KIR3DL3: variants seen among roughly 807,000 people sequenced by gnomAD.
KIR3DL3 encodes killer cell immunoglobulin like receptor, three Ig domains and long cytoplasmic tail 3.
A neutral mutation model predicts 34.9 loss-of-function variants in KIR3DL3; 27 were observed. That is an observed-to-expected ratio of 0.77 (90% CI 0.57 to 1.07). KIR3DL3 has a LOEUF of 1.07. Ranked by LOEUF, KIR3DL3 falls within the 50% of genes least tolerant of loss-of-function variation. The pLI is 0.00. For missense variants in KIR3DL3, 681 were observed against 528.5 expected (o/e 1.29, Z -2.83); for synonymous variants, 217 against 200.2 (o/e 1.08, Z -0.71).
At chr19:54,726,828 CA>C (rs2146764715) in intron 3 of KIR3DL3, among the ~76,000 whole-genome samples, 1 of 128,378 alleles carries the variant, frequency 7.8e-6, no homozygotes, top group South Asian at 2.8e-4. Flanking sequence ...CCTGAGTCTC[CA>C]GAGGAAACAC....
intron 5 of KIR3DL3, among the ~76,000 whole-genome samples, chr19:54,730,212 G>A (rs2068654636): frequency 6.6e-6 from 1 of 151,428 alleles, no homozygotes; most frequent in African/African-American, 2.4e-5. Context: ...ATATACCTAT[G>A]TAATTTACCA....
intron 3 of KIR3DL3, among the ~76,000 whole-genome samples, chr19:54,727,075 G>A (rs1311350913): frequency 1.6e-5 from 2 of 122,748 alleles, no homozygotes; most frequent in Non-Finnish European, 3.5e-5. Flanking sequence ...CACCAGGCTC[G>A]ATCCACATAG....
Position 54,729,507 on chromosome 19 carries a change from C to G in KIR3DL3, c.670C>G (p.Pro224Ala). Residue 224 changes from proline (P) to alanine (A), a missense_variant, in exon 5 of 8, where the codon CCT becomes GCT. Physicochemically the swap from Pro to Ala is conservative, Grantham distance 27. Coordinates refer to ENST00000291860, the MANE Select transcript of KIR3DL3 (RefSeq NM_153443.5). ...TCTTCTTCCAGGTCTATATGGGAAA[C>G]CTTCTCTCTCAGCCCAGCCGGGCCC... ...DIVVVGLYGKPSLSAQPGPTV... is the reference protein window; with the variant it reads ...DIVVVGLYGKASLSAQPGPTV... The G allele has an allele frequency of 1.9e-6, 3 of 1,604,776 alleles. No individual in the cohort carries two copies. The highest frequency in any genetic ancestry group is 2.5e-6 in the Non-Finnish European group (3 of 1,177,768).
At chr19:54,730,462 T>C (rs1459722791) in intron 5 of KIR3DL3, among the ~76,000 whole-genome samples, 1 of 150,580 alleles carries the variant, frequency 6.6e-6, no homozygotes, top group African/African-American at 2.4e-5. Flanking sequence ...TAGTCCCAGC[T>C]ACTTGGTAGG....
chr19:54,730,363 G>A (rs2068669046), intron 5 of KIR3DL3, among the ~76,000 whole-genome samples: 1 of 149,500 alleles, frequency 6.7e-6, no homozygotes, highest in Non-Finnish European at 1.5e-5. Flanking sequence ...AGACCACCCT[G>A]GCCAACATGG....
intron 2 of KIR3DL3, 31 bp downstream of exon 2, chr19:54,725,313 A>G (rs2068052389): frequency 1.3e-6 from 2 of 1,529,738 alleles, no homozygotes; most frequent in Non-Finnish European, 8.8e-7. Context: ...TTAGGTTGTC[A>G]TCTCCCCACA....
chr19:54,734,031 T>A (rs2069138124), intron 5 of KIR3DL3, among the ~76,000 whole-genome samples: 1 of 152,194 alleles, frequency 6.6e-6, no homozygotes, highest in South Asian at 2.1e-4. Flanking sequence ...AATATATGTC[T>A]CAGCAGATCA....
chr19:54,727,281 A>C (rs2068287075), intron 3 of KIR3DL3, among the ~76,000 whole-genome samples: 1 of 124,310 alleles, frequency 8.0e-6, no homozygotes, highest in African/African-American at 2.9e-5. Context: ...CAGGCTGCTA[A>C]GAGCCTGGAC....
Position 54,727,732 on chromosome 19 carries a change from G to T in KIR3DL3, c.477G>T (p.Gly159=). ...AGCGCTTCCTTCTGCACAGAGAGGG[G>T]ATCACTGAGGACCCCTTGCGCCTCG... ...RFERFLLHRE[G]ITEDPLRLVG... Residue 159 remains glycine, a synonymous_variant, in exon 4 of 8, where the codon GGG becomes GGT. Coordinates refer to ENST00000291860, the MANE Select transcript of KIR3DL3 (RefSeq NM_153443.5). 6.2e-7 allele frequency: 1 copy of T among 1,613,062 alleles called. No homozygotes were observed. Among genetic ancestry groups the T allele is most frequent in the Non-Finnish European group, 8.5e-7 (1 of 1,179,816 alleles).
chr19:54,733,582 T>C (rs1336633878), intron 5 of KIR3DL3, among the ~76,000 whole-genome samples: 1 of 152,246 alleles, frequency 6.6e-6, no homozygotes, highest in African/African-American at 2.4e-5. Flanking sequence ...GGCAACTGGA[T>C]ACCAACCATC....
chr19:54,726,478 G>A, intron 3 of KIR3DL3, 141 bp downstream of exon 3: 1 of 1,117,196 alleles, frequency 9.0e-7, no homozygotes, highest in South Asian at 1.6e-5. Flanking sequence ...AGAAATAGTT[G>A]CTGTGGTGGG....
Position 54,736,087 on chromosome 19 carries a change from C to T in KIR3DL3, c.1224C>T (p.Thr408=). 2 of 1,613,262 alleles carry T rather than the reference C, an allele frequency of 1.2e-6. No individual in the cohort carries two copies. The highest frequency in any genetic ancestry group is 1.7e-5 in the Admixed American group (1 of 59,844). ...SQRPKTPPTD[T]SV Reference sequence around the variant, plus strand: ...GGCCCAAGACACCCCCAACAGATACCAGCGTGTAACACGGAACTTCCAAAT... The same window carrying T: ...GGCCCAAGACACCCCCAACAGATACTAGCGTGTAACACGGAACTTCCAAAT... Residue 408 remains threonine, a synonymous_variant, in exon 8 of 8, where the codon ACC becomes ACT. Transcript: ENST00000291860.
intron 4 of KIR3DL3, 151 bp downstream of exon 4, chr19:54,728,061 A>G: frequency 1.3e-6 from 1 of 772,340 alleles, no homozygotes; most frequent in East Asian, 2.5e-5. Context: ...AAAGGCAGAG[A>G]AACAGGAGAC....
chr19:54,728,289 A>G (rs367705134), intron 4 of KIR3DL3, among the ~76,000 whole-genome samples: 127 of 149,222 alleles, frequency 8.5e-4, no homozygotes, highest in African/African-American at 2.8e-3. Context: ...GAACCCAAAG[A>G]GACACATCTA....
At chr19:54,726,466 A>AG (rs1469251186) in intron 3 of KIR3DL3, 129 bp downstream of exon 3, 29 of 1,218,862 alleles carry the variant, frequency 2.4e-5, no homozygotes, top group African/African-American at 2.0e-4. Context: ...GATTCAGTAC[A>AG]GAGAAATAGT....
Position 54,724,479 on chromosome 19 carries a change from G to A in KIR3DL3, c.-18G>A. 6.2e-7 allele frequency: 1 copy of A among 1,613,112 alleles called. No homozygotes were observed. Among genetic ancestry groups the A allele is most frequent in the South Asian group, 1.1e-5 (1 of 91,086 alleles). On this transcript the variant is annotated 5_prime_UTR_variant, in exon 1 of 8. Transcript: ENST00000291860. Reference sequence around the variant, plus strand: ...GAACTGAGCTGGGGCGCAGCCGCCTGTCTGCACCGGCAGCACCATGTCGCT... The same window carrying A: ...GAACTGAGCTGGGGCGCAGCCGCCTATCTGCACCGGCAGCACCATGTCGCT...
intron 2 of KIR3DL3, 46 bp from the exon 3 acceptor site, chr19:54,726,007 C>T (rs1472207349): frequency 1.8e-4 from 251 of 1,416,076 alleles, no homozygotes; most frequent in South Asian, 2.7e-4. Context: ...GAGGGAGGGG[C>T]GGCTCCACAT....
intron 3 of KIR3DL3, among the ~76,000 whole-genome samples, chr19:54,726,909 A>G (rs371200159): frequency 0.99 from 116,319 of 117,132 alleles, 57,782 homozygotes; most frequent in East Asian, 1. Context: ...GAAGTGGAAG[A>G]GGTCATTGTA....
chr19:54,727,511 G>A, intron 3 of KIR3DL3, 100 bp from the exon 4 acceptor site: 3 of 1,048,702 alleles, frequency 2.9e-6, no homozygotes, highest in East Asian at 2.5e-5. Flanking sequence ...ACAGGAAGGA[G>A]AGAGATAGAC....
Sources: gnomAD v4.1 joint callset for allele counts (sites outside exome capture counted in the v4.1 genomes callset) on GRCh38, gnomAD v4.1.1 for gene constraint, MANE v1.5 for transcripts, NCBI Gene and HGNC (gene_info 2026-07-23, HGNC 2026-07-21) for gene names.